The following CNTNAP5 variants were observed in gnomAD, a reference collection of about 807,000 sequenced individuals.
CNTNAP5 encodes contactin associated protein family member 5.
CNTNAP5 carries 72 observed loss-of-function variants against 150.2 expected under a neutral mutation model. The observed-to-expected ratio is 0.48, with a 90% CI of 0.40 to 0.58. The LOEUF (loss-of-function observed/expected upper bound fraction) is 0.58, where lower values mean the gene tolerates loss of function less well. Among genes scored for constraint, CNTNAP5 ranks in the 20% least tolerant of loss-of-function variants. The pLI is 0.00. For synonymous variants in CNTNAP5, 672 were observed against 619.8 expected, an observed-to-expected ratio of 1.08 and a Z score of -1.25; for missense variants, 1,636 against 1,626.2, an observed-to-expected ratio of 1.01 and a Z score of -0.10.
At chr2:124,353,270 A>C (rs2104704298) in intron 3 of CNTNAP5, among the ~76,000 whole-genome samples, 1 of 146,014 alleles carries the variant, frequency 6.8e-6, no homozygotes, top group Non-Finnish European at 1.5e-5. Context: ...TTCTCACTAA[A>C]ACAACAAAAA....
intron 13 of CNTNAP5, among the ~76,000 whole-genome samples, chr2:124,726,523 T>G (rs1055728819): frequency 1.3e-5 from 2 of 152,144 alleles, no homozygotes; most frequent in Admixed American, 6.6e-5. Flanking sequence ...AATTAAATCT[T>G]TCTTTATAAA....
At chr2:124,811,274 AAAT>A (rs1053695151) in intron 19 of CNTNAP5, among the ~76,000 whole-genome samples, 4 of 152,182 alleles carry the variant, frequency 2.6e-5, no homozygotes, top group African/African-American at 9.7e-5. Context: ...ATAGAGTTAA[AAAT>A]AAGAAGAGTA....
intron 12 of CNTNAP5, among the ~76,000 whole-genome samples, chr2:124,638,509 G>A (rs1037848165): frequency 3.0e-4 from 46 of 152,060 alleles, no homozygotes; most frequent in African/African-American, 1.0e-3. Flanking sequence ...TGTACAGCTA[G>A]GCTTTTTAGT....
intron 1 of CNTNAP5, among the ~76,000 whole-genome samples, chr2:124,206,488 G>A (rs1464286921): frequency 6.6e-6 from 1 of 152,166 alleles, no homozygotes; most frequent in African/African-American, 2.4e-5. Context: ...CTCAACCACA[G>A]TGTTGGGGCA....
At position 124,049,675 on chromosome 2, in the gene CNTNAP5, A is replaced by G. The variant is rs79004491; in HGVS notation, c.82+23943A>G. Reference sequence around the variant, plus strand: ...CATGAAGGTAATGATACCTACCCCGATGATTAAGGAGAGGGCTAAAGAAGC... The same window carrying G: ...CATGAAGGTAATGATACCTACCCCGGTGATTAAGGAGAGGGCTAAAGAAGC... On this transcript the variant is annotated intron_variant, in intron 1 of 23. Coordinates refer to ENST00000682447, the MANE Select transcript of CNTNAP5 (RefSeq NM_001367498.1). Among the ~76,000 whole-genome samples the G allele has an allele frequency of 8.3e-3, 1,263 of 152,298 alleles. 19 individuals carry two copies. The highest frequency in any genetic ancestry group is 0.028 in the African/African-American group (1,152 of 41,560).
At chr2:124,344,757 A>G (rs1261134604) in intron 3 of CNTNAP5, among the ~76,000 whole-genome samples, 2 of 152,108 alleles carry the variant, frequency 1.3e-5, no homozygotes, top group African/African-American at 2.4e-5. Context: ...CCCTGCCTCA[A>G]AACAAACAAA....
chr2:124,394,018 G>C (rs767028087), intron 3 of CNTNAP5, among the ~76,000 whole-genome samples: 1 of 152,178 alleles, frequency 6.6e-6, no homozygotes, highest in South Asian at 2.1e-4. Context: ...ATCAGTCATC[G>C]TTTACACATT....
chr2:124,496,034 C>A (rs1694134681), intron 7 of CNTNAP5, among the ~76,000 whole-genome samples: 1 of 152,118 alleles, frequency 6.6e-6, no homozygotes, highest in Admixed American at 6.6e-5. Flanking sequence ...GCCATGTAAG[C>A]TCTAGGTGGG....
At chr2:124,145,943 GA>G (rs1441405434) in intron 1 of CNTNAP5, among the ~76,000 whole-genome samples, 2 of 151,802 alleles carry the variant, frequency 1.3e-5, no homozygotes, top group Admixed American at 6.6e-5. Flanking sequence ...CACAGCTAAT[GA>G]AAATTTCCAT....
At chr2:124,558,852 G>T (rs571735673) in intron 10 of CNTNAP5, among the ~76,000 whole-genome samples, 1 of 152,238 alleles carries the variant, frequency 6.6e-6, no homozygotes, top group African/African-American at 2.4e-5. Context: ...AGCATGTTCT[G>T]CTGAAAGTGT....
At chr2:124,706,794 GAA>G (rs1679656166) in intron 13 of CNTNAP5, among the ~76,000 whole-genome samples, 1 of 23,996 alleles carries the variant, frequency 4.2e-5, no homozygotes, top group African/African-American at 1.7e-4. Flanking sequence ...AGAAGAAGAA[GAA>G]GGAGGAGGAG....
intron 12 of CNTNAP5, among the ~76,000 whole-genome samples, chr2:124,617,075 A>G (rs1677508520): frequency 6.6e-6 from 1 of 151,976 alleles, no homozygotes; most frequent in Admixed American, 6.6e-5. Flanking sequence ...ATAATAATAT[A>G]ATATAATAAC....
intron 2 of CNTNAP5, among the ~76,000 whole-genome samples, chr2:124,222,475 G>T (rs1686346953): frequency 6.6e-6 from 1 of 152,036 alleles, no homozygotes; most frequent in Admixed American, 6.6e-5. Context: ...TACTGCAAAA[G>T]AGATTTGAAT....
chr2:124,883,906 GTA>G (rs1434247733), intron 21 of CNTNAP5, among the ~76,000 whole-genome samples: 1 of 152,066 alleles, frequency 6.6e-6, no homozygotes, highest in African/African-American at 2.4e-5. Context: ...ACAGGCACAT[GTA>G]TATGTGTGTG....
chr2:124,363,727 G>A (rs1314061163), intron 3 of CNTNAP5, among the ~76,000 whole-genome samples: 1 of 152,070 alleles, frequency 6.6e-6, no homozygotes, highest in South Asian at 2.1e-4. Flanking sequence ...CACAAAAGGG[G>A]CAAGAACAAA....
At chr2:124,853,178 C>T (rs1222054914) in intron 19 of CNTNAP5, among the ~76,000 whole-genome samples, 1 of 152,214 alleles carries the variant, frequency 6.6e-6, no homozygotes, top group Non-Finnish European at 1.5e-5. Flanking sequence ...GGTCCAGAGT[C>T]TGGATCAGTC....
At chr2:124,808,129 T>C (rs1309898043) in intron 19 of CNTNAP5, among the ~76,000 whole-genome samples, 1 of 152,176 alleles carries the variant, frequency 6.6e-6, no homozygotes, top group African/African-American at 2.4e-5. Context: ...AATGCTGTAG[T>C]GGAATAGCAC....
At chr2:124,255,107 G>A (rs1687274748) in intron 3 of CNTNAP5, among the ~76,000 whole-genome samples, 1 of 152,164 alleles carries the variant, frequency 6.6e-6, no homozygotes, top group Admixed American at 6.5e-5. Flanking sequence ...GGAATAAGCA[G>A]CCAGGTGTGG....
intron 19 of CNTNAP5, among the ~76,000 whole-genome samples, chr2:124,828,798 G>A (rs184043790): frequency 6.4e-5 from 7 of 109,070 alleles, no homozygotes; most frequent in Admixed American, 4.3e-4. Context: ...ATTAAAGTAA[G>A]TTTTGTTCAA....
Sources: gnomAD v4.1 joint callset for allele counts (sites outside exome capture counted in the v4.1 genomes callset) on GRCh38, gnomAD v4.1.1 for gene constraint, MANE v1.5 for transcripts, NCBI Gene and HGNC (gene_info 2026-07-23, HGNC 2026-07-21) for gene names.